Variants in ROBO2 observed in about 807,000 individuals in gnomAD.
ROBO2 encodes roundabout homolog 2.
Under a neutral mutation model 160.8 loss-of-function variants are expected in ROBO2, and 53 were observed. The observed-to-expected ratio is 0.33, with a 90% confidence interval of 0.26 to 0.41. The LOEUF is 0.41. ROBO2 is among the 10% of genes least tolerant of loss of function. The pLI is 1.00. For missense variants in ROBO2, 1,577 were observed against 1,722.4 expected (o/e 0.92, Z 1.49); for synonymous variants, 664 against 611.7 (o/e 1.09, Z -1.26).
intron 2 of ROBO2, among the ~76,000 whole-genome samples, chr3:77,264,827 G>A (rs1056993764): frequency 1.3e-5 from 2 of 152,060 alleles, no homozygotes; most frequent in African/African-American, 4.8e-5. Context: ...ATAGAGAGTT[G>A]TCTTTTTGTT....
chr3:76,320,087 A>T (rs1043674680), intron 2 of ROBO2, among the ~76,000 whole-genome samples: 1 of 152,150 alleles, frequency 6.6e-6, no homozygotes, highest in Non-Finnish European at 1.5e-5. Flanking sequence ...CTACACATCA[A>T]ATTAAGCCTA....
At chr3:77,388,288 C>A (rs899906585) in intron 2 of ROBO2, among the ~76,000 whole-genome samples, 15 of 152,112 alleles carry the variant, frequency 9.9e-5, no homozygotes, top group African/African-American at 3.4e-4. Flanking sequence ...GTGGCTCACA[C>A]CTATAGTCCC....
intron 2 of ROBO2, among the ~76,000 whole-genome samples, chr3:76,426,745 A>C (rs1191426359): frequency 1.5e-5 from 2 of 134,980 alleles, no homozygotes; most frequent in African/African-American, 2.9e-5. Context: ...AGTAGATTTC[A>C]AAGAAAGGGA....
chr3:77,574,729 A>G, exon 14 of ROBO2: 1 of 1,604,674 alleles, frequency 6.2e-7, no homozygotes, highest in East Asian at 2.2e-5. Context: ...CTACTGAAGA[A>G]GGTCAGTATT....
At chr3:76,893,139 G>A (rs559085517) in intron 2 of ROBO2, among the ~76,000 whole-genome samples, 11 of 151,794 alleles carry the variant, frequency 7.2e-5, no homozygotes, top group Admixed American at 1.3e-4. Context: ...CAAAATATAC[G>A]GTACGCATTA....
rs146402168 is a variant in ROBO2 at position 77,381,552 on chromosome 3, G to T, written c.389-95862G>T. Among the ~76,000 whole-genome samples, 128 of 152,220 alleles carry T rather than the reference G, an allele frequency of 8.4e-4. 1 individual carries two copies. Among genetic ancestry groups the T allele is most frequent in the African/African-American group, 2.8e-3 (117 of 41,540 alleles). On this transcript the variant is annotated intron_variant, in intron 2 of 25. Transcript: ENST00000461745. ...TCTAAACTTTCAGCATCCCTTCAAT[G>T]ATTTCATACTCTGACTATTTTTGCA...
intron 2 of ROBO2, among the ~76,000 whole-genome samples, chr3:76,208,519 G>A (rs1164459402): frequency 1.3e-5 from 2 of 152,054 alleles, no homozygotes; most frequent in Admixed American, 1.3e-4. Flanking sequence ...AGACACCAAA[G>A]ATCTTAGACA....
chr3:76,416,595 A>G (rs1355312911), intron 2 of ROBO2, among the ~76,000 whole-genome samples: 1 of 152,144 alleles, frequency 6.6e-6, no homozygotes, highest in African/African-American at 2.4e-5. Context: ...ACTTTTGCCC[A>G]TGTTTTGAGA....
At chr3:77,140,880 C>A (rs2076649535) in intron 2 of ROBO2, among the ~76,000 whole-genome samples, 2 of 152,244 alleles carry the variant, frequency 1.3e-5, no homozygotes, top group South Asian at 2.1e-4. Context: ...CTTGTTAGAA[C>A]AATAATAAAT....
chr3:75,992,974 A>ATACCTG (rs113635202), intron 2 of ROBO2, among the ~76,000 whole-genome samples: 4,683 of 152,274 alleles, frequency 0.031, 217 homozygotes, highest in African/African-American at 0.099. Flanking sequence ...TATTTACACA[A>ATACCTG]TACCTGTACC....
chr3:77,540,283 C>T (rs2092396143), intron 6 of ROBO2, among the ~76,000 whole-genome samples: 1 of 152,098 alleles, frequency 6.6e-6, no homozygotes, highest in African/African-American at 2.4e-5. Flanking sequence ...ATCTTTGTAG[C>T]ATATTGGAAA....
intron 1 of ROBO2, among the ~76,000 whole-genome samples, chr3:77,049,798 C>T (rs2065036201): frequency 6.6e-6 from 1 of 152,162 alleles, no homozygotes; most frequent in Non-Finnish European, 1.5e-5. Context: ...AACTATCCCA[C>T]TGAAAGGCTT....
chr3:77,294,497 C>T (rs1328180124), intron 2 of ROBO2, among the ~76,000 whole-genome samples: 1 of 138,316 alleles, frequency 7.2e-6, no homozygotes, highest in Non-Finnish European at 1.5e-5. Context: ...TAGATCACCC[C>T]AGACATTAAG....
intron 2 of ROBO2, among the ~76,000 whole-genome samples, chr3:76,393,064 A>G (rs1429778226): frequency 6.6e-6 from 1 of 152,208 alleles, no homozygotes; most frequent in African/African-American, 2.4e-5. Context: ...GTCAAGTATC[A>G]AACAGGTGAC....
intron 2 of ROBO2, among the ~76,000 whole-genome samples, chr3:76,380,646 CTG>C (rs1216454563): frequency 6.6e-6 from 1 of 152,090 alleles, no homozygotes; most frequent in Non-Finnish European, 1.5e-5. Context: ...TGTTAACTGA[CTG>C]TTTATGTTAT....
exon 14 of ROBO2, chr3:77,574,721 A>G: frequency 6.2e-7 from 1 of 1,611,184 alleles, no homozygotes; most frequent in Non-Finnish European, 8.5e-7. Context: ...GGTTCGTACT[A>G]CTGAAGAAGG....
chr3:77,449,932 G>A (rs951906332), intron 2 of ROBO2, among the ~76,000 whole-genome samples: 5 of 151,614 alleles, frequency 3.3e-5, no homozygotes, highest in Non-Finnish European at 7.4e-5. Flanking sequence ...TGACCACAGA[G>A]TAAAAATAAT....
At chr3:77,615,428 A>T (rs1165543737) in intron 21 of ROBO2, among the ~76,000 whole-genome samples, 1 of 152,172 alleles carries the variant, frequency 6.6e-6, no homozygotes, top group Non-Finnish European at 1.5e-5. Context: ...TAATACATGT[A>T]TCCACCATTA....
chr3:76,523,511 C>G (rs1208460052), intron 2 of ROBO2, among the ~76,000 whole-genome samples: 5 of 152,032 alleles, frequency 3.3e-5, no homozygotes, highest in African/African-American at 7.2e-5. Context: ...GAGTTAGTGT[C>G]AGCCACCTGC....
Sources: allele counts gnomAD v4.1 joint callset (sites outside exome capture counted in the v4.1 genomes callset), GRCh38; gene constraint gnomAD v4.1.1; transcripts MANE v1.5; gene names NCBI Gene and HGNC (gene_info 2026-07-23, HGNC 2026-07-21).